EXOC4: variants seen among roughly 807,000 people sequenced by gnomAD.
The protein encoded by EXOC4 is SEC8-like 1.
EXOC4 carries 71 observed loss-of-function variants against 107.2 expected under a neutral mutation model. The ratio of observed to expected loss-of-function variants is 0.66; its 90% CI spans 0.55 to 0.81. The LOEUF is 0.81. EXOC4 is among the 30% of genes least tolerant of loss of function. The probability of loss-of-function intolerance (pLI) is 0.00; values close to 1 mark genes in which losing one functional copy is unlikely to be tolerated. For missense variants in EXOC4, 1,108 were observed against 1,189.6 expected, an observed-to-expected ratio of 0.93 and a Z score of 1.01; for synonymous variants, 456 against 441.2, an observed-to-expected ratio of 1.03 and a Z score of -0.42.
At chr7:134,083,229 G>C in the EXOC4 span, among the ~76,000 whole-genome samples, 1 of 152,090 alleles carries the variant, frequency 6.6e-6, no homozygotes, top group Non-Finnish European at 1.5e-5. Flanking sequence ...GCACCTAGGA[G>C]CCCCATCAAG....
chr7:133,804,625 T>A (rs1797029261), intron 10 of EXOC4, among the ~76,000 whole-genome samples: 1 of 152,192 alleles, frequency 6.6e-6, no homozygotes, highest in African/African-American at 2.4e-5. Flanking sequence ...TATAATTTTA[T>A]TTCAGCAGGT....
chr7:133,771,988 A>C (rs537084855), intron 10 of EXOC4, among the ~76,000 whole-genome samples: 1 of 152,110 alleles, frequency 6.6e-6, no homozygotes, highest in East Asian at 1.9e-4. Context: ...CATGTGTTTT[A>C]TAATGACAGT....
At chr7:133,323,649 A>G (rs184123583) in intron 5 of EXOC4, among the ~76,000 whole-genome samples, 1 of 152,328 alleles carries the variant, frequency 6.6e-6, no homozygotes, top group Admixed American at 6.5e-5. Context: ...CAAGTTCATC[A>G]GGGATATTGG....
chr7:133,364,306 T>C (rs1471705752), intron 6 of EXOC4, among the ~76,000 whole-genome samples: 1 of 136,846 alleles, frequency 7.3e-6, no homozygotes, highest in Non-Finnish European at 1.6e-5. Context: ...ATTTAAAGTA[T>C]TTTTTTTTTT....
At chr7:133,448,468 T>G (rs1798267667) in intron 7 of EXOC4, among the ~76,000 whole-genome samples, 1 of 152,058 alleles carries the variant, frequency 6.6e-6, no homozygotes, top group Admixed American at 6.6e-5. Context: ...TGTCTAATTT[T>G]TAATTAATTT....
intron 7 of EXOC4, among the ~76,000 whole-genome samples, chr7:133,459,450 G>A (rs370920554): frequency 6.6e-6 from 1 of 152,218 alleles, no homozygotes; most frequent in Non-Finnish European, 1.5e-5. Context: ...ATTAAAAGAT[G>A]TAGTTATTGG....
chr7:133,939,102 G>A (rs1230837793), intron 14 of EXOC4, among the ~76,000 whole-genome samples: 2 of 152,118 alleles, frequency 1.3e-5, no homozygotes, highest in Non-Finnish European at 2.9e-5. Context: ...GATAGAAAAA[G>A]CAAAAGAAAC....
chr7:134,055,113 G>A (rs931563421), intron 17 of EXOC4, among the ~76,000 whole-genome samples: 1 of 152,046 alleles, frequency 6.6e-6, no homozygotes, highest in African/African-American at 2.4e-5. Context: ...AGAGTTTTTT[G>A]GTTCTTCTAC....
At chr7:133,795,920 A>G (rs540550707) in intron 10 of EXOC4, among the ~76,000 whole-genome samples, 8 of 152,340 alleles carry the variant, frequency 5.3e-5, no homozygotes, top group African/African-American at 1.7e-4. Context: ...CAGAGAGTCT[A>G]TGAAACACCT....
intron 5 of EXOC4, among the ~76,000 whole-genome samples, chr7:133,336,340 A>C (rs78319903): frequency 6.6e-6 from 1 of 152,084 alleles, no homozygotes; most frequent in Non-Finnish European, 1.5e-5. Context: ...GTCTTGATCC[A>C]TTTTGGGTTA....
At chr7:133,510,726 A>T (rs1279079366) in intron 9 of EXOC4, among the ~76,000 whole-genome samples, 1 of 152,210 alleles carries the variant, frequency 6.6e-6, no homozygotes, top group African/African-American at 2.4e-5. Flanking sequence ...GTGGGTGGTG[A>T]TAGTGGGACC....
intron 10 of EXOC4, among the ~76,000 whole-genome samples, chr7:133,683,228 G>C (rs1428885117): frequency 2.0e-5 from 3 of 152,188 alleles, no homozygotes; most frequent in Non-Finnish European, 2.9e-5. Context: ...AAGGAGTAAA[G>C]TCACTGAGAG....
intron 7 of EXOC4, among the ~76,000 whole-genome samples, chr7:133,393,305 G>A (rs958725901): frequency 2.0e-5 from 3 of 152,006 alleles, no homozygotes; most frequent in Non-Finnish European, 4.4e-5. Flanking sequence ...TTTCTTACAT[G>A]TCTTTAAATT....
chr7:133,451,743 T>C (rs1798352933), intron 7 of EXOC4, among the ~76,000 whole-genome samples: 1 of 152,136 alleles, frequency 6.6e-6, no homozygotes, highest in Non-Finnish European at 1.5e-5. Context: ...AGGAACACGA[T>C]GAAATGGATT....
At chr7:133,692,068 C>A (rs1240617615) in intron 10 of EXOC4, among the ~76,000 whole-genome samples, 3 of 152,156 alleles carry the variant, frequency 2.0e-5, no homozygotes, top group African/African-American at 7.2e-5. Context: ...ACGTTCACTT[C>A]TCACCTATGC....
intron 7 of EXOC4, among the ~76,000 whole-genome samples, chr7:133,464,628 A>T (rs1021623775): frequency 6.6e-6 from 1 of 152,088 alleles, no homozygotes; most frequent in Non-Finnish European, 1.5e-5. Flanking sequence ...AAAGAATAGT[A>T]GAGTGGAGGT....
At chr7:133,756,791 G>C (rs925107772) in intron 10 of EXOC4, among the ~76,000 whole-genome samples, 2 of 152,166 alleles carry the variant, frequency 1.3e-5, no homozygotes, top group African/African-American at 4.8e-5. Context: ...AAAATTGGAA[G>C]ATATTCTGAA....
At chr7:133,287,901 A>T (rs968870289) in intron 2 of EXOC4, among the ~76,000 whole-genome samples, 23 of 152,166 alleles carry the variant, frequency 1.5e-4, no homozygotes, top group African/African-American at 5.3e-4. Flanking sequence ...AGTTACCAAA[A>T]ATACGGTAGA....
intron 17 of EXOC4, among the ~76,000 whole-genome samples, chr7:134,017,476 A>G (rs1197359217): frequency 6.6e-6 from 1 of 152,162 alleles, no homozygotes; most frequent in South Asian, 2.1e-4. Context: ...GCCTGATCTG[A>G]TGGACTTTTT....
Sources: gnomAD v4.1 joint callset for allele counts (sites outside exome capture counted in the v4.1 genomes callset) on GRCh38, gnomAD v4.1.1 for gene constraint, MANE v1.5 for transcripts, NCBI Gene and HGNC (gene_info 2026-07-23, HGNC 2026-07-21) for gene names.